The following ZNF827 variants were observed in gnomAD, a reference collection of about 807,000 sequenced individuals.
ZNF827 encodes zinc finger protein 827.
In ZNF827, 13 loss-of-function variants were observed where a neutral mutation model predicts 102.4. That is an observed-to-expected ratio of 0.13 (90% CI 0.08 to 0.20). The LOEUF (loss-of-function observed/expected upper bound fraction) is 0.20. Ranked by LOEUF, ZNF827 falls within the 10% of genes least tolerant of loss-of-function variation. ZNF827 has a pLI of 1.00. For missense variants in ZNF827, 1,103 were observed against 1,344.4 expected, an observed-to-expected ratio of 0.82 and a Z score of 2.81; for synonymous variants, 523 against 536.2, an observed-to-expected ratio of 0.98 and a Z score of 0.34.
chr4:145,781,063 G>A (rs1484257175), intron 8 of ZNF827, among the ~76,000 whole-genome samples: 1 of 151,876 alleles, frequency 6.6e-6, no homozygotes, highest in Admixed American at 6.5e-5. Flanking sequence ...GGGCGTGGTG[G>A]CGGGCGCCTG....
At chr4:145,777,118 T>C (rs751819007) in intron 9 of ZNF827, among the ~76,000 whole-genome samples, 9 of 152,234 alleles carry the variant, frequency 5.9e-5, no homozygotes, top group Non-Finnish European at 7.3e-5. Context: ...AGTTCTTCTC[T>C]ACAAAATATG....
At position 145,889,554 on chromosome 4, in the gene ZNF827, C is replaced by CTT. The variant is rs36000739; in HGVS notation, c.1266+2687_1266+2688dup. ...TTAATCTCTGGCTATACTGACCCCA[C>CTT]TTTTTTTTTTTTTTTTTGAGACGGA... On this transcript the variant is annotated intron_variant, in intron 3 of 14. Transcript: ENST00000508784. 3.0e-3 allele frequency among the ~76,000 whole-genome samples: 404 copies of CTT among 136,752 alleles called. 3 individuals are homozygous for CTT. Among genetic ancestry groups the CTT allele is most frequent in the Admixed American group, 4.6e-3 (64 of 13,778 alleles). 89.7% of individuals were successfully genotyped at this position (136,752 alleles called of 152,430 possible).
rs1318495077 is a variant in ZNF827 at position 145,761,143 on chromosome 4, T to G, written c.*473A>C. 1.6e-6 allele frequency: 2 copies of G among 1,289,770 alleles called. No individual in the cohort carries two copies. The highest frequency in any genetic ancestry group is 2.0e-6 in the Non-Finnish European group (2 of 988,814). The allele number at this position is 1,289,770 out of a possible 1,614,324, so 79.9% of individuals were successfully genotyped here. ...GAGCGGGGCCCCCGGGCCGGCCGGT[T>G]CCTTGGGGGCTGGACACAGGCCCTT... On this transcript the variant is annotated 3_prime_UTR_variant, in exon 15 of 15. Transcript: ENST00000508784. This position sits in a 1 kb window ranked among gnomAD's most constrained non-coding sequence, Gnocchi z 6.8.
chr4:145,764,872 T>C (rs1408702355), intron 13 of ZNF827, 116 bp downstream of exon 13: 1 of 1,452,120 alleles, frequency 6.9e-7, no homozygotes, highest in Admixed American at 1.7e-5. Flanking sequence ...ACTCCTCTCA[T>C]ACCAAGCTCC....
In ZNF827 at chr4:145,893,398, C is replaced by T. The variant is rs142386210; in HGVS notation, c.1094-983G>A. On this transcript the variant is annotated intron_variant, in intron 2 of 14. Coordinates refer to ENST00000508784, the MANE Select transcript of ZNF827 (RefSeq NM_001306215.2). ...TAAGGAATCAGAAATATTTCAAAACCGGTTAAATGACTTAGCATATGTGCC... is the reference window on the plus strand; with the variant it reads ...TAAGGAATCAGAAATATTTCAAAACTGGTTAAATGACTTAGCATATGTGCC... Among the ~76,000 whole-genome samples, 83 of 152,196 alleles carry T rather than the reference C, an allele frequency of 5.5e-4. No homozygotes were observed. In the East Asian group the frequency reaches 6.9e-3, roughly 13 times the overall value.
At chr4:145,848,644 T>C (rs1158963582) in intron 6 of ZNF827, among the ~76,000 whole-genome samples, 1 of 152,196 alleles carries the variant, frequency 6.6e-6, no homozygotes, top group Non-Finnish European at 1.5e-5. Context: ...AGAAGCATAT[T>C]AAATTTGCTA....
intron 1 of ZNF827, among the ~76,000 whole-genome samples, chr4:145,912,754 C>T (rs576529353): frequency 6.6e-6 from 1 of 152,332 alleles, no homozygotes; most frequent in Non-Finnish European, 1.5e-5. Context: ...CTGGAACAGA[C>T]CCTTCCCTAC....
intron 7 of ZNF827, chr4:145,839,097 T>G (rs1312974477): frequency 6.6e-6 from 1 of 152,228 alleles, no homozygotes; most frequent in Non-Finnish European, 1.5e-5. Flanking sequence ...TATACGTATT[T>G]TTCATGTTTA....
intron 11 of ZNF827, among the ~76,000 whole-genome samples, chr4:145,769,879 T>C (rs1222693334): frequency 1.3e-5 from 2 of 152,038 alleles, no homozygotes; most frequent in Non-Finnish European, 2.9e-5. Context: ...ATTGAAACCA[T>C]AAAAAAAATT....
At chr4:145,847,974 A>G (rs1746146807) in intron 6 of ZNF827, among the ~76,000 whole-genome samples, 1 of 152,192 alleles carries the variant, frequency 6.6e-6, no homozygotes, top group Non-Finnish European at 1.5e-5. Context: ...AATCGGGGCT[A>G]AATGACTTGT....
At chr4:145,784,394 C>T (rs534323858) in intron 8 of ZNF827, among the ~76,000 whole-genome samples, 1 of 152,292 alleles carries the variant, frequency 6.6e-6, no homozygotes, top group South Asian at 2.1e-4. Flanking sequence ...ACTGAAGGCT[C>T]CTCCTATGGT....
intron 1 of ZNF827, among the ~76,000 whole-genome samples, chr4:145,919,654 C>T (rs1403010064): frequency 6.6e-6 from 1 of 152,168 alleles, no homozygotes; most frequent in African/African-American, 2.4e-5. Context: ...AATGCTCTGT[C>T]CCCCACTACT....
chr4:145,849,143 T>C (rs1177080906), intron 6 of ZNF827, among the ~76,000 whole-genome samples, 179 bp downstream of exon 6: 1 of 152,146 alleles, frequency 6.6e-6, no homozygotes, highest in Non-Finnish European at 1.5e-5. Context: ...GCAGGAATTC[T>C]ACTTGGCAAC....
chr4:145,802,494 A>G (rs1355346814), intron 8 of ZNF827, among the ~76,000 whole-genome samples: 1 of 152,236 alleles, frequency 6.6e-6, no homozygotes, highest in Non-Finnish European at 1.5e-5. Context: ...CAGCTGGCAC[A>G]AAGGTGGGAG....
chr4:145,895,650 T>G (rs1378306945), intron 2 of ZNF827, among the ~76,000 whole-genome samples: 1 of 152,236 alleles, frequency 6.6e-6, no homozygotes, highest in Admixed American at 6.5e-5. Context: ...GCCAGTCATC[T>G]CACCGATAAC....
At chr4:145,862,457 C>T (rs1747817274) in intron 5 of ZNF827, among the ~76,000 whole-genome samples, 1 of 151,394 alleles carries the variant, frequency 6.6e-6, no homozygotes, top group Non-Finnish European at 1.5e-5. Flanking sequence ...CCAATTCTCA[C>T]TGAGTTTTCA....
chr4:145,869,033 A>T (rs1748453314), intron 5 of ZNF827, among the ~76,000 whole-genome samples: 1 of 152,228 alleles, frequency 6.6e-6, no homozygotes, highest in South Asian at 2.1e-4. Flanking sequence ...CAAATAGTAC[A>T]ATCTTACTAA....
chr4:145,774,243 G>C (rs1736693911), intron 11 of ZNF827, among the ~76,000 whole-genome samples: 3 of 152,190 alleles, frequency 2.0e-5, no homozygotes. Context: ...AGAGGATCAG[G>C]ATGAGCAACA....
intron 1 of ZNF827, among the ~76,000 whole-genome samples, chr4:145,938,097 A>T (rs2127020572): frequency 6.6e-6 from 1 of 151,182 alleles, no homozygotes; most frequent in South Asian, 2.1e-4. Flanking sequence ...GAAAGGGAAA[A>T]AAAAGCCCGA....
Sources: gnomAD v4.1 joint callset for allele counts (sites outside exome capture counted in the v4.1 genomes callset) on GRCh38, gnomAD v4.1.1 for gene constraint, Gnocchi (gnomAD v3.1) non-coding constraint, MANE v1.5 for transcripts, NCBI Gene and HGNC (gene_info 2026-07-23, HGNC 2026-07-21) for gene names.